MGAT4C: variants seen among roughly 807,000 people sequenced by gnomAD.
The protein encoded by MGAT4C is MGAT4 family member C.
A neutral mutation model predicts 40.1 loss-of-function variants in MGAT4C; 19 were observed. The observed-to-expected ratio is 0.47, with a 90% CI of 0.33 to 0.70. The LOEUF is 0.70. MGAT4C is among the 30% of genes least tolerant of loss of function. The pLI is 0.02. For missense variants in MGAT4C, 491 were observed against 563.2 expected, an observed-to-expected ratio of 0.87 and a Z score of 1.30; for synonymous variants, 181 against 187.1, an observed-to-expected ratio of 0.97 and a Z score of 0.27.
intron 1 of MGAT4C, among the ~76,000 whole-genome samples, chr12:86,153,753 C>T (rs952151233): frequency 6.6e-6 from 1 of 152,128 alleles, no homozygotes; most frequent in African/African-American, 2.4e-5. Context: ...CTTGCTTCTC[C>T]CTTTGCCTTC....
rs772275100 is a variant in MGAT4C, at chr12:85,976,772, T to G, written c.*2517A>C. ...TTTGAGTATAGTTAAACCTAATAAC[T>G]GTACTTTTGTTTCTATGCCTCTGAG... is the stretch of plus-strand genomic sequence containing the variant. On this transcript the variant is annotated 3_prime_UTR_variant, in exon 5 of 5. Coordinates refer to ENST00000611864, the MANE Select transcript of MGAT4C (RefSeq NM_001351288.2). The G allele has an allele frequency of 6.7e-6, 1 of 149,148 alleles. No homozygotes were observed. Among genetic ancestry groups the G allele is most frequent in the Non-Finnish European group, 1.5e-5 (1 of 66,938 alleles). The allele number at this position is 149,148 out of a possible 1,614,324, so 9.2% of individuals were successfully genotyped here.
At chr12:86,730,620 T>C (rs1440093166) in intron 1 of MGAT4C, among the ~76,000 whole-genome samples, 1 of 152,054 alleles carries the variant, frequency 6.6e-6, no homozygotes, top group Non-Finnish European at 1.5e-5. Context: ...TACCATAAAT[T>C]CATACAAAGA....
At chr12:86,546,238 T>C (rs1959192342) in intron 2 of MGAT4C, among the ~76,000 whole-genome samples, 1 of 151,882 alleles carries the variant, frequency 6.6e-6, no homozygotes, top group Admixed American at 6.6e-5. Flanking sequence ...ACAATTTTCA[T>C]CATTGACCTT....
intron 4 of MGAT4C, among the ~76,000 whole-genome samples, chr12:86,332,500 T>C (rs1343210046): frequency 2.6e-5 from 4 of 152,164 alleles, no homozygotes; most frequent in Admixed American, 6.6e-5. Flanking sequence ...CATATTTTCC[T>C]TTTATATTCC....
intron 2 of MGAT4C, among the ~76,000 whole-genome samples, chr12:86,498,413 C>G (rs193070311): frequency 3.5e-3 from 528 of 151,614 alleles, no homozygotes; most frequent in Non-Finnish European, 5.5e-3. Flanking sequence ...CTACAAATAT[C>G]AGAAAAATTC....
intron 1 of MGAT4C, among the ~76,000 whole-genome samples, chr12:86,087,391 T>C (rs1439975691): frequency 6.6e-6 from 1 of 152,136 alleles, no homozygotes; most frequent in Non-Finnish European, 1.5e-5. Context: ...TACATTCTAA[T>C]GCTTATACTA....
chr12:86,281,181 G>A (rs776291123), intron 4 of MGAT4C, among the ~76,000 whole-genome samples: 1 of 151,568 alleles, frequency 6.6e-6, no homozygotes, highest in Non-Finnish European at 1.5e-5. Context: ...ATGACTTACG[G>A]TATACATCTT....
At chr12:86,832,502 G>A (rs1159303022) in intron 1 of MGAT4C, among the ~76,000 whole-genome samples, 1 of 151,798 alleles carries the variant, frequency 6.6e-6, no homozygotes, top group East Asian at 1.9e-4. Flanking sequence ...AAGACAAACA[G>A]AAATCACATA....
intron 3 of MGAT4C, among the ~76,000 whole-genome samples, chr12:86,371,781 T>C (rs569446162): frequency 6.6e-6 from 1 of 152,130 alleles, no homozygotes; most frequent in East Asian, 1.9e-4. Flanking sequence ...AAATTCCTGG[T>C]TCAGTTCTTA....
At chr12:86,142,125 G>A (rs1355491134) in intron 1 of MGAT4C, among the ~76,000 whole-genome samples, 5 of 152,142 alleles carry the variant, frequency 3.3e-5, no homozygotes, top group Admixed American at 6.6e-5. Flanking sequence ...AGTTAAGCAA[G>A]TCTGATTCTC....
chr12:86,137,806 T>C (rs1882185557), intron 1 of MGAT4C, among the ~76,000 whole-genome samples: 2 of 152,180 alleles, frequency 1.3e-5, no homozygotes, highest in Admixed American at 1.3e-4. Context: ...CAGACAACTG[T>C]GACCCTTTTG....
At chr12:86,048,411 A>G (rs11833292) in intron 2 of MGAT4C, among the ~76,000 whole-genome samples, 12,754 of 152,034 alleles carry the variant, frequency 0.084, 1,183 homozygotes, top group African/African-American at 0.23. Flanking sequence ...ACCAAACGAC[A>G]GTGAAACACA....
intron 4 of MGAT4C, among the ~76,000 whole-genome samples, chr12:86,305,267 C>T (rs1287345355): frequency 6.7e-6 from 1 of 149,758 alleles, no homozygotes; most frequent in Non-Finnish European, 1.5e-5. Flanking sequence ...TGGAGAAACA[C>T]CATCTCTACT....
chr12:86,675,140 C>T lies in MGAT4C; in HGVS notation c.-229+52069G>A, dbSNP rs185997398. 8.6e-3 allele frequency among the ~76,000 whole-genome samples: 1,312 copies of T among 152,202 alleles called. 7 individuals carry two copies. Among genetic ancestry groups the T allele is most frequent in the Non-Finnish European group, 0.014 (948 of 68,024 alleles). Reference sequence around the variant, plus strand: ...ATTTGAATGCAGGTTTTAATGCTAGCCTAGTTCTCTTCCTAGTACCCAAGA... The same window carrying T: ...ATTTGAATGCAGGTTTTAATGCTAGTCTAGTTCTCTTCCTAGTACCCAAGA... On this transcript the variant is annotated intron_variant, in intron 2 of 7. Transcript: ENST00000548651.
intron 2 of MGAT4C, among the ~76,000 whole-genome samples, chr12:86,551,429 A>G (rs950126300): frequency 6.6e-6 from 1 of 151,888 alleles, no homozygotes; most frequent in Admixed American, 6.6e-5. Context: ...CTCATGGGAC[A>G]TCTCTGGCAG....
intron 1 of MGAT4C, among the ~76,000 whole-genome samples, chr12:86,819,462 G>A (rs1391935231): frequency 6.6e-6 from 1 of 150,868 alleles, no homozygotes; most frequent in Non-Finnish European, 1.5e-5. Flanking sequence ...CTAGAAACTT[G>A]TAATAATAGA....
At chr12:86,436,573 T>G (rs1052095340) in intron 2 of MGAT4C, among the ~76,000 whole-genome samples, 2 of 151,746 alleles carry the variant, frequency 1.3e-5, no homozygotes, top group Non-Finnish European at 3.0e-5. Context: ...GAAGACAGCA[T>G]TATTATTCTC....
At chr12:86,685,633 T>A (rs1950059754) in intron 2 of MGAT4C, among the ~76,000 whole-genome samples, 1 of 152,170 alleles carries the variant, frequency 6.6e-6, no homozygotes, top group Non-Finnish European at 1.5e-5. Flanking sequence ...GCATGGCCAT[T>A]TTCACAATAT....
intron 1 of MGAT4C, among the ~76,000 whole-genome samples, chr12:86,195,386 G>C (rs932061164): frequency 6.6e-6 from 1 of 151,980 alleles, no homozygotes; most frequent in Non-Finnish European, 1.5e-5. Context: ...GATTTTATTA[G>C]GCTATCAGTA....
Sources: allele counts gnomAD v4.1 joint callset (sites outside exome capture counted in the v4.1 genomes callset), GRCh38; gene constraint gnomAD v4.1.1; transcripts MANE v1.5; gene names NCBI Gene and HGNC (gene_info 2026-07-23, HGNC 2026-07-21).